GPC5: variants seen among roughly 807,000 people sequenced by gnomAD.
GPC5 encodes glypican-5.
In GPC5, 47 loss-of-function variants were observed where a neutral mutation model predicts 53.9. The observed-to-expected ratio is 0.87, with a 90% CI of 0.69 to 1.11. GPC5 has a LOEUF of 1.11. Among genes scored for constraint, GPC5 ranks in the 50% most tolerant of loss-of-function variants. GPC5 has a pLI of 0.00. For synonymous variants in GPC5, 286 were observed against 263.3 expected (o/e 1.09, Z -0.84); for missense variants, 748 against 713.1 (o/e 1.05, Z -0.56).
intron 2 of GPC5, among the ~76,000 whole-genome samples, chr13:91,524,132 G>T (rs1467220733): frequency 1.3e-5 from 2 of 151,862 alleles, no homozygotes; most frequent in Non-Finnish European, 2.9e-5. Context: ...CATTTCTAAG[G>T]TCCTTTAAAA....
chr13:91,511,832 T>C (rs1314606617), intron 2 of GPC5, among the ~76,000 whole-genome samples: 2 of 152,148 alleles, frequency 1.3e-5, no homozygotes, highest in Non-Finnish European at 2.9e-5. Context: ...CTTGGGCGTA[T>C]ATGAACCTTC....
At chr13:91,571,814 C>A (rs1200499870) in intron 2 of GPC5, among the ~76,000 whole-genome samples, 1 of 95,736 alleles carries the variant, frequency 1.0e-5, no homozygotes, top group Non-Finnish European at 2.0e-5. Context: ...CACACACATA[C>A]GTGTGTGTAT....
At position 91,524,789 on chromosome 13, in the gene GPC5, C is replaced by T. The variant is rs16946104; in HGVS notation, c.325+75867C>T. Reference sequence around the variant, plus strand: ...ACCCTTTCCCAAGGCATTTGCTCTCCGTGGTATCCTGTACTTTGTAAGAAT... The same window carrying T: ...ACCCTTTCCCAAGGCATTTGCTCTCTGTGGTATCCTGTACTTTGTAAGAAT... On this transcript the variant is annotated intron_variant, in intron 2 of 7. Transcript: ENST00000377067. Among the ~76,000 whole-genome samples the T allele has an allele frequency of 8.0e-3, 1,219 of 152,192 alleles. 15 individuals are homozygous for T. Among genetic ancestry groups the T allele is most frequent in the African/African-American group, 0.025 (1,018 of 41,530 alleles).
intron 7 of GPC5, among the ~76,000 whole-genome samples, chr13:92,353,307 TTGA>T (rs2043496336): frequency 6.7e-6 from 1 of 148,918 alleles, no homozygotes; most frequent in African/African-American, 2.5e-5. Context: ...AGTGGGAGAC[TTGA>T]TGAAGTAACT....
chr13:91,816,730 C>A (rs1445405552), intron 5 of GPC5, among the ~76,000 whole-genome samples: 2 of 152,178 alleles, frequency 1.3e-5, no homozygotes, highest in African/African-American at 2.4e-5. Flanking sequence ...GTGAGAGTAT[C>A]AAATCCCCTT....
intron 2 of GPC5, among the ~76,000 whole-genome samples, chr13:91,603,054 G>T (rs1417162775): frequency 6.6e-6 from 1 of 152,132 alleles, no homozygotes; most frequent in Non-Finnish European, 1.5e-5. Flanking sequence ...GCATGACTGG[G>T]GTAGTGGACA....
At chr13:92,491,030 G>A (rs1404839116) in intron 7 of GPC5, among the ~76,000 whole-genome samples, 2 of 152,034 alleles carry the variant, frequency 1.3e-5, no homozygotes, top group Admixed American at 6.6e-5. Flanking sequence ...AGATGGTCTC[G>A]TTACTATATG....
intron 7 of GPC5, among the ~76,000 whole-genome samples, chr13:92,281,183 G>A (rs115276268): frequency 0.02 from 3,112 of 152,266 alleles, 104 homozygotes; most frequent in African/African-American, 0.069. Flanking sequence ...ACTACAAGGC[G>A]TCAGCAAGGC....
At chr13:92,640,586 A>G (rs1885563856) in intron 7 of GPC5, among the ~76,000 whole-genome samples, 1 of 152,018 alleles carries the variant, frequency 6.6e-6, no homozygotes, top group South Asian at 2.1e-4. Context: ...ACCTGTCCCT[A>G]CTGAAAGGAA....
chr13:92,569,979 T>C (rs922552539), intron 7 of GPC5, among the ~76,000 whole-genome samples: 3 of 152,154 alleles, frequency 2.0e-5, no homozygotes, highest in African/African-American at 7.2e-5. Flanking sequence ...CTTGTCCTCG[T>C]TTGAGCTATT....
rs546892936 is a variant in GPC5 at position 92,138,986 on chromosome 13, T to TG, written c.1402-5843dup. On this transcript the variant is annotated intron_variant, in intron 6 of 7. Coordinates refer to ENST00000377067, the MANE Select transcript of GPC5 (RefSeq NM_004466.6). Reference sequence around the variant, plus strand: ...ATATTCCTATATTCCAGATTTATAATGAAGCATTTTTGTACATATTAAAAA... The same window carrying TG: ...ATATTCCTATATTCCAGATTTATAATGGAAGCATTTTTGTACATATTAAAAA... 2.2e-4 allele frequency among the ~76,000 whole-genome samples: 34 copies of TG among 152,324 alleles called. 1 individual carries two copies. In the South Asian group the frequency reaches 6.4e-3, roughly 29 times the overall value.
rs35473097 is a variant in GPC5 at position 92,368,778 on chromosome 13, T to C, written c.1561+223789T>C. On this transcript the variant is annotated intron_variant, in intron 7 of 7. Transcript: ENST00000377067. ...ATACAACTCAAACTGCTGTAAAAGA[T>C]TGTATTAACTTTATGTTCCTTTGAA... Among the ~76,000 whole-genome samples, 1,171 of 152,218 alleles carry C rather than the reference T, an allele frequency of 7.7e-3. 7 individuals are homozygous for C. The highest frequency in any genetic ancestry group is 0.013 in the Non-Finnish European group (851 of 68,014).
intron 7 of GPC5, chr13:92,447,062 T>C (rs1594210119): frequency 6.6e-6 from 1 of 152,166 alleles, no homozygotes; most frequent in Non-Finnish European, 1.5e-5. Context: ...TTTATAGATA[T>C]TTTCTCCCAT....
intron 7 of GPC5, among the ~76,000 whole-genome samples, chr13:92,802,936 G>C (rs563459856): frequency 6.6e-6 from 1 of 152,006 alleles, no homozygotes; most frequent in South Asian, 2.1e-4. Flanking sequence ...ATGTCCACGT[G>C]ACAAATGGCA....
intron 6 of GPC5, among the ~76,000 whole-genome samples, chr13:92,082,828 A>G (rs936269495): frequency 1.3e-5 from 2 of 152,216 alleles, no homozygotes; most frequent in Non-Finnish European, 2.9e-5. Context: ...GAATGTCAGA[A>G]TTAAACTTGT....
chr13:91,552,876 A>AATGTTGT (rs2030727802), intron 2 of GPC5, among the ~76,000 whole-genome samples: 1 of 152,112 alleles, frequency 6.6e-6, no homozygotes, highest in African/African-American at 2.4e-5. Flanking sequence ...TCCCAACAGG[A>AATGTTGT]ATGTTGTATT....
intron 6 of GPC5, among the ~76,000 whole-genome samples, chr13:92,102,357 G>T (rs1056166667): frequency 1.3e-5 from 2 of 152,044 alleles, no homozygotes; most frequent in Non-Finnish European, 2.9e-5. Context: ...CACTTTCTTA[G>T]CGTAGTCTTA....
intron 7 of GPC5, among the ~76,000 whole-genome samples, chr13:92,472,512 C>T (rs1878951627): frequency 6.6e-6 from 1 of 152,112 alleles, no homozygotes; most frequent in Admixed American, 6.6e-5. Flanking sequence ...TCAGAAGATG[C>T]AAATACCTCT....
At chr13:92,031,724 A>ATATATTACATATTATATATAATATATAT (rs1165391939) in intron 6 of GPC5, among the ~76,000 whole-genome samples, 9 of 83,234 alleles carry the variant, frequency 1.1e-4, no homozygotes, top group African/African-American at 3.4e-4. Context: ...CATATATGTA[A>ATATATTACATATTATATATAATATATAT]TATATTACAT....
Sources: allele counts gnomAD v4.1 joint callset (sites outside exome capture counted in the v4.1 genomes callset), GRCh38; gene constraint gnomAD v4.1.1; transcripts MANE v1.5; gene names NCBI Gene and HGNC (gene_info 2026-07-23, HGNC 2026-07-21).